LGSN: variants seen among roughly 807,000 people sequenced by gnomAD.
The protein encoded by LGSN is lengsin.
Under a neutral mutation model 19.5 loss-of-function variants are expected in LGSN, and 21 were observed. That is an observed-to-expected ratio of 1.07 (90% CI 0.76 to 1.55). The LOEUF (loss-of-function observed/expected upper bound fraction) is 1.55, where lower values mean the gene tolerates loss of function less well. LGSN is among the 40% of genes most tolerant of loss of function. The probability of loss-of-function intolerance (pLI) is 0.00; values close to 1 mark genes in which losing one functional copy is unlikely to be tolerated. For synonymous variants in LGSN, 257 were observed against 215.6 expected, an observed-to-expected ratio of 1.19 and a Z score of -1.68; for missense variants, 673 against 608.5, an observed-to-expected ratio of 1.11 and a Z score of -1.12.
chr6:63,425,345 T>C, the LGSN span, among the ~76,000 whole-genome samples: 2 of 152,244 alleles, frequency 1.3e-5, no homozygotes, highest in Non-Finnish European at 2.9e-5. Flanking sequence ...TAATTCATTA[T>C]AGCTAAAATC....
the LGSN span, among the ~76,000 whole-genome samples, chr6:63,458,085 T>G: frequency 6.6e-6 from 1 of 152,024 alleles, no homozygotes; most frequent in Non-Finnish European, 1.5e-5. Flanking sequence ...TATTTATTTT[T>G]AGACAGAGTT....
At chr6:63,454,950 G>A in the LGSN span, among the ~76,000 whole-genome samples, 26 of 151,356 alleles carry the variant, frequency 1.7e-4, no homozygotes, top group Admixed American at 6.6e-4. Flanking sequence ...CTGCCACCAC[G>A]CCCGGCTAAT....
the LGSN span, among the ~76,000 whole-genome samples, chr6:63,401,007 T>A: frequency 2.9e-3 from 438 of 152,138 alleles, 2 homozygotes; most frequent in African/African-American, 0.01. Flanking sequence ...AAAAAAACAT[T>A]AATTCAACAT....
intron 2 of LGSN, among the ~76,000 whole-genome samples, chr6:63,292,777 T>C (rs1767829443): frequency 6.6e-6 from 1 of 152,218 alleles, no homozygotes; most frequent in Non-Finnish European, 1.5e-5. Context: ...TTAATCTGTA[T>C]CCTTTTAGTG....
chr6:63,333,419 C>CA, the LGSN span, among the ~76,000 whole-genome samples: 1 of 124,532 alleles, frequency 8.0e-6, no homozygotes, highest in Non-Finnish European at 1.6e-5. Context: ...CAAAACCAGG[C>CA]AAAAAAAGAA....
the LGSN span, among the ~76,000 whole-genome samples, chr6:63,509,356 C>T: frequency 8.7e-5 from 13 of 148,876 alleles, no homozygotes; most frequent in East Asian, 1.2e-3. Flanking sequence ...TGAGCCACCA[C>T]GCCTGGCCAA....
the LGSN span, among the ~76,000 whole-genome samples, chr6:63,487,832 T>C: frequency 2.0e-5 from 3 of 152,058 alleles, no homozygotes; most frequent in Non-Finnish European, 4.4e-5. Context: ...AATGCAAATA[T>C]TAGCCCAGCG....
At chr6:63,537,586 T>C in the LGSN span, among the ~76,000 whole-genome samples, 1 of 152,226 alleles carries the variant, frequency 6.6e-6, no homozygotes, top group Non-Finnish European at 1.5e-5. Context: ...CCTCACTCAA[T>C]GAATTAGTTG....
the LGSN span, among the ~76,000 whole-genome samples, chr6:63,404,938 G>A: frequency 2.7e-5 from 4 of 149,086 alleles, no homozygotes; most frequent in African/African-American, 5.0e-5. Flanking sequence ...TATATCTCCC[G>A]ATGCTATCCC....
At chr6:63,338,323 G>A in the LGSN span, among the ~76,000 whole-genome samples, 3 of 152,114 alleles carry the variant, frequency 2.0e-5, no homozygotes, top group Non-Finnish European at 4.4e-5. Flanking sequence ...TTGGGTTGGG[G>A]GTACAGCTAC....
At chr6:63,538,259 A>T in the LGSN span, among the ~76,000 whole-genome samples, 1 of 152,244 alleles carries the variant, frequency 6.6e-6, no homozygotes, top group Non-Finnish European at 1.5e-5. Flanking sequence ...TCAGAGAAAG[A>T]GGGAAATCTA....
chr6:63,483,133 G>T, the LGSN span, among the ~76,000 whole-genome samples: 1 of 152,148 alleles, frequency 6.6e-6, no homozygotes, highest in East Asian at 1.9e-4. Flanking sequence ...AACAGAATAG[G>T]CAATTAAAAG....
the LGSN span, among the ~76,000 whole-genome samples, chr6:63,465,436 C>G: frequency 1.3e-5 from 2 of 152,016 alleles, no homozygotes; most frequent in Admixed American, 1.3e-4. Context: ...CCCACCCTGG[C>G]CTCCCAAAAT....
the LGSN span, among the ~76,000 whole-genome samples, chr6:63,351,310 G>A: frequency 2.0e-5 from 3 of 152,022 alleles, no homozygotes; most frequent in African/African-American, 7.2e-5. Context: ...CTTTCTAATA[G>A]CAGCCTGAAA....
At chr6:63,509,420 C>A in the LGSN span, among the ~76,000 whole-genome samples, 1 of 151,948 alleles carries the variant, frequency 6.6e-6, no homozygotes, top group Admixed American at 6.6e-5. Context: ...GTTCACAATA[C>A]AAAATTCAAT....
the LGSN span, among the ~76,000 whole-genome samples, chr6:63,542,847 A>G: frequency 6.6e-6 from 1 of 151,906 alleles, no homozygotes; most frequent in African/African-American, 2.4e-5. Context: ...CTCCACCCCT[A>G]CCTGATTCAT....
the LGSN span, among the ~76,000 whole-genome samples, chr6:63,411,671 T>G: frequency 1.3e-5 from 2 of 151,758 alleles, no homozygotes; most frequent in African/African-American, 4.8e-5. Context: ...AGACTCTGAG[T>G]CTACAAAAAA....
chr6:63,320,074 T>G, upstream of LGSN: 1 of 695,136 alleles, frequency 1.4e-6, no homozygotes, highest in Non-Finnish European at 2.5e-6. Flanking sequence ...CAGAGGGGTC[T>G]GGCAGGTAAT....
the LGSN span, among the ~76,000 whole-genome samples, chr6:63,409,314 A>G: frequency 6.6e-6 from 1 of 152,226 alleles, no homozygotes; most frequent in Non-Finnish European, 1.5e-5. Context: ...TTCTTTAGAT[A>G]TATTAATAAC....
Sources: gnomAD v4.1 joint callset for allele counts (sites outside exome capture counted in the v4.1 genomes callset) on GRCh38, gnomAD v4.1.1 for gene constraint, MANE v1.5 for transcripts, NCBI Gene and HGNC (gene_info 2026-07-23, HGNC 2026-07-21) for gene names.